Variants in PAK5 observed in about 807,000 individuals in gnomAD.
PAK5 encodes the protein serine/threonine-protein kinase PAK 5.
In PAK5, 16 loss-of-function variants were observed where a neutral mutation model predicts 65.9. The observed-to-expected ratio is 0.24, with a 90% confidence interval of 0.16 to 0.37. The LOEUF (loss-of-function observed/expected upper bound fraction) is 0.37. PAK5 is among the 10% of genes least tolerant of loss of function. The pLI is 1.00. For synonymous variants in PAK5, 371 were observed against 354.9 expected, an observed-to-expected ratio of 1.05 and a Z score of -0.51; for missense variants, 785 against 903.9, an observed-to-expected ratio of 0.87 and a Z score of 1.69.
chr20:9,651,885 T>C (rs914083776), intron 2 of PAK5, among the ~76,000 whole-genome samples: 1 of 152,188 alleles, frequency 6.6e-6, no homozygotes, highest in African/African-American at 2.4e-5. Context: ...TCAAACTGTG[T>C]TGGTCTAATA....
intron 4 of PAK5, among the ~76,000 whole-genome samples, chr20:9,573,616 G>C (rs912307110): frequency 6.6e-6 from 1 of 152,168 alleles, no homozygotes; most frequent in Non-Finnish European, 1.5e-5. Context: ...GCCAAGTCTT[G>C]GGGGGAAGAA....
At chr20:9,749,378 C>T (rs879045942) in intron 1 of PAK5, among the ~76,000 whole-genome samples, 1 of 152,024 alleles carries the variant, frequency 6.6e-6, no homozygotes, top group Non-Finnish European at 1.5e-5. Context: ...TAAAACATAT[C>T]TGATATTTGA....
intron 4 of PAK5, among the ~76,000 whole-genome samples, chr20:9,568,855 T>C (rs1473209333): frequency 6.6e-6 from 1 of 151,960 alleles, no homozygotes; most frequent in Non-Finnish European, 1.5e-5. Context: ...ATAATAATAA[T>C]AATAAAATAG....
chr20:9,800,630 T>C (rs1461575382), intron 1 of PAK5, among the ~76,000 whole-genome samples: 1 of 152,160 alleles, frequency 6.6e-6, no homozygotes, highest in Non-Finnish European at 1.5e-5. Context: ...ACTGTTTTGG[T>C]AGATTTACTT....
chr20:9,778,354 C>A (rs1197605423), intron 1 of PAK5, among the ~76,000 whole-genome samples: 1 of 152,130 alleles, frequency 6.6e-6, no homozygotes, highest in East Asian at 1.9e-4. Context: ...TCTCTCACCT[C>A]GGCCTCCCAT....
At chr20:9,692,013 A>T (rs1010541658) in intron 2 of PAK5, among the ~76,000 whole-genome samples, 5 of 152,198 alleles carry the variant, frequency 3.3e-5, no homozygotes, top group Admixed American at 2.6e-4. Flanking sequence ...GTTTAAGTCC[A>T]TGTGCAAAGA....
chr20:9,810,448 C>T (rs768565304), intron 1 of PAK5, among the ~76,000 whole-genome samples: 5 of 151,904 alleles, frequency 3.3e-5, no homozygotes, highest in East Asian at 3.9e-4. Context: ...GTGCACCTGA[C>T]GTGGGAGGAT....
chr20:9,782,284 C>A (rs2048948753), intron 1 of PAK5, among the ~76,000 whole-genome samples: 1 of 152,130 alleles, frequency 6.6e-6, no homozygotes, highest in Admixed American at 6.6e-5. Flanking sequence ...CCACCTGGGC[C>A]ATCCTGTTTA....
chr20:9,571,529 G>T (rs568257612), intron 4 of PAK5, among the ~76,000 whole-genome samples: 1 of 152,294 alleles, frequency 6.6e-6, no homozygotes, highest in Admixed American at 6.5e-5. Context: ...GTGGGAGGGC[G>T]CCCAGCACAC....
rs2123018524 is a variant in PAK5, at chr20:9,580,717, C to G, written c.418G>C (p.Asp140His). 6.2e-7 allele frequency: 1 copy of G among 1,613,906 alleles called. No homozygotes were observed. The highest frequency in any genetic ancestry group is 8.5e-7 in the Non-Finnish European group (1 of 1,179,932). The change falls in exon 4 of 10, where the codon GAC (aspartate) becomes CAC (histidine). Residue 140 changes from aspartate (D) to histidine (H), a missense_variant. By Grantham distance (81) the Asp-to-His change is moderately conservative. Around this residue, in one of 4 missense-constraint regions of PAK5, gnomAD observed 422 missense variants for 413.3 expected, o/e 1.02. Coordinates refer to ENST00000353224, the MANE Select transcript of PAK5 (RefSeq NM_177990.4). Reference protein sequence around the residue: ...QYSSESDTTADYTTEKYREKS... With the variant: ...QYSSESDTTAHYTTEKYREKS... The stretch of plus-strand genomic sequence containing the variant: ...TCCCTGTACTTTTCGGTCGTGTAGT[C>G]AGCAGTAGTATCGGATTCGCTGGAA...
intron 1 of PAK5, among the ~76,000 whole-genome samples, chr20:9,830,117 C>G (rs1978591651): frequency 6.6e-6 from 1 of 152,174 alleles, no homozygotes; most frequent in African/African-American, 2.4e-5. Context: ...GCAGTGCTGT[C>G]CAGGTGCTGA....
At chr20:9,564,835 T>C (rs2045648178) in intron 5 of PAK5, among the ~76,000 whole-genome samples, 1 of 152,064 alleles carries the variant, frequency 6.6e-6, no homozygotes, top group Non-Finnish European at 1.5e-5. Flanking sequence ...TATTAAGCCA[T>C]TAAAATTGTG....
chr20:9,666,532 C>T (rs957229559), intron 2 of PAK5, among the ~76,000 whole-genome samples: 1 of 151,318 alleles, frequency 6.6e-6, no homozygotes, highest in African/African-American at 2.4e-5. Context: ...AGTTCTGTTC[C>T]ACAACATTTT....
chr20:9,826,972 T>C (rs749199107), intron 1 of PAK5, among the ~76,000 whole-genome samples: 1 of 152,210 alleles, frequency 6.6e-6, no homozygotes, highest in Non-Finnish European at 1.5e-5. Context: ...TCTCAGCTTA[T>C]AGTTTGCTTC....
chr20:9,804,927 C>A (rs1010901436), intron 1 of PAK5, among the ~76,000 whole-genome samples: 1 of 151,974 alleles, frequency 6.6e-6, no homozygotes, highest in Admixed American at 6.6e-5. Context: ...AATCAAAAAA[C>A]AGTGTGAAAA....
chr20:9,766,495 A>AAT lies in PAK5; in HGVS notation c.-161-55062_-161-55061dup, dbSNP rs540944111. On this transcript the variant is annotated intron_variant, in intron 1 of 9. Coordinates refer to ENST00000353224, the MANE Select transcript of PAK5 (RefSeq NM_177990.4). The stretch of plus-strand genomic sequence containing the variant: ...TATATGTATATATATATTCAAGCAG[A>AAT]ATATATATATATATATATTCAAGCA... 7.6e-4 allele frequency among the ~76,000 whole-genome samples: 27 copies of AAT among 35,360 alleles called. 5 individuals carry two copies. The highest frequency in any genetic ancestry group is 4.1e-3 in the African/African-American group (18 of 4,406). The allele number at this position is 35,360 out of a possible 152,430, so 23.2% of individuals were successfully genotyped here.
chr20:9,708,661 C>G lies in PAK5; in HGVS notation c.-12+2625G>C, dbSNP rs75649558. ...CTTTCAAAAGCAAACATCTGGGACTCTGCCTGAGGACTTCCTCTGGCTGCT... is the reference window on the plus strand; with the variant it reads ...CTTTCAAAAGCAAACATCTGGGACTGTGCCTGAGGACTTCCTCTGGCTGCT... On this transcript the variant is annotated intron_variant, in intron 2 of 9. Coordinates refer to ENST00000353224, the MANE Select transcript of PAK5 (RefSeq NM_177990.4). Among the ~76,000 whole-genome samples, 1,386 of 152,208 alleles carry G rather than the reference C, an allele frequency of 9.1e-3. 13 individuals are homozygous for G. The highest frequency in any genetic ancestry group is 0.044 in the Middle Eastern group (13 of 294).
chr20:9,631,245 G>A (rs138035263), intron 3 of PAK5, among the ~76,000 whole-genome samples: 1 of 152,100 alleles, frequency 6.6e-6, no homozygotes, highest in Non-Finnish European at 1.5e-5. Context: ...GTGTAGGCAG[G>A]ATCTGTGGCT....
At chr20:9,624,604 T>A (rs2046817314) in intron 3 of PAK5, among the ~76,000 whole-genome samples, 1 of 136,862 alleles carries the variant, frequency 7.3e-6, no homozygotes, top group South Asian at 2.3e-4. Context: ...GTGCTAGTGT[T>A]CCCATTATAC....
Sources: gnomAD v4.1 joint callset for allele counts (sites outside exome capture counted in the v4.1 genomes callset) on GRCh38, gnomAD v4.1.1 for gene constraint, gnomAD v4.1.1 regional missense constraint, MANE v1.5 for transcripts, NCBI Gene and HGNC (gene_info 2026-07-23, HGNC 2026-07-21) for gene names.